The following KLF8 variants were observed in gnomAD, a reference collection of about 807,000 sequenced individuals.
KLF8 encodes the protein KLF transcription factor 8.
In KLF8, 10 loss-of-function variants were observed where a neutral mutation model predicts 18.2. The observed-to-expected ratio is 0.55, with a 90% CI of 0.34 to 0.93. The LOEUF (loss-of-function observed/expected upper bound fraction) is 0.93, where lower values mean the gene tolerates loss of function less well. Among genes scored for constraint, KLF8 ranks in the 40% least tolerant of loss-of-function variants. The pLI is 0.02. For synonymous variants in KLF8, 109 were observed against 97.3 expected (o/e 1.12, Z -0.71); for missense variants, 264 against 277.9 (o/e 0.95, Z 0.36).
intron 3 of KLF8, 78 bp downstream of exon 3, chrX:56,265,822 TCAC>T: frequency 9.0e-7 from 1 of 1,116,386 alleles, no homozygotes; most frequent in South Asian, 2.2e-5. Context: ...CTGTCTCTTT[TCAC>T]TTCCTCCAAT....
chrX:56,151,310 G>T, the KLF8 span, among the ~76,000 whole-genome samples: 1 of 111,718 alleles, frequency 9.0e-6, no homozygotes, highest in Non-Finnish European at 1.9e-5. Flanking sequence ...TGCTTATAAA[G>T]AGTACAACTA....
the KLF8 span, among the ~76,000 whole-genome samples, chrX:55,934,525 T>C: frequency 8.9e-6 from 1 of 112,295 alleles, no homozygotes; most frequent in Non-Finnish European, 1.9e-5. Flanking sequence ...GCACCAGACT[T>C]TGAATCAGTG....
At chrX:56,073,097 C>T in the KLF8 span, among the ~76,000 whole-genome samples, 1 of 109,330 alleles carries the variant, frequency 9.1e-6, no homozygotes, top group Non-Finnish European at 1.9e-5. Flanking sequence ...CGCCATTCTC[C>T]TGCCTCAGCC....
chrX:56,027,562 C>G, the KLF8 span, among the ~76,000 whole-genome samples: 2 of 112,384 alleles, frequency 1.8e-5, no homozygotes, highest in Non-Finnish European at 3.8e-5. Context: ...GTTAAAGCAA[C>G]GAGTTCTGCT....
chrX:56,076,604 T>G, the KLF8 span, among the ~76,000 whole-genome samples: 1 of 111,555 alleles, frequency 9.0e-6, no homozygotes, highest in Non-Finnish European at 1.9e-5. Context: ...TAAACATACG[T>G]GTGCATGTGT....
the KLF8 span, among the ~76,000 whole-genome samples, chrX:55,941,743 G>A: frequency 8.9e-6 from 1 of 112,215 alleles, no homozygotes; most frequent in African/African-American, 3.2e-5. Flanking sequence ...AGACATTTAT[G>A]CAGCCGAAAG....
chrX:56,058,901 G>A, the KLF8 span, among the ~76,000 whole-genome samples: 1 of 111,474 alleles, frequency 9.0e-6, no homozygotes, highest in East Asian at 2.8e-4. Context: ...GATATTTCCG[G>A]TTCTAGGTTC....
the KLF8 span, among the ~76,000 whole-genome samples, chrX:56,006,516 C>G: frequency 8.9e-6 from 1 of 112,249 alleles, no homozygotes; most frequent in Non-Finnish European, 1.9e-5. Context: ...AGATGTACTT[C>G]CTGGCTGCAT....
chrX:56,235,904 T>A (rs2066469260), intron 1 of KLF8, among the ~76,000 whole-genome samples: 2 of 112,230 alleles, frequency 1.8e-5, no homozygotes, highest in South Asian at 3.7e-4. Context: ...TTTAAAAAAA[T>A]TTGTTTTATT....
At chrX:56,023,615 T>C in the KLF8 span, among the ~76,000 whole-genome samples, 4 of 110,821 alleles carry the variant, frequency 3.6e-5, no homozygotes, top group Non-Finnish European at 5.7e-5. Flanking sequence ...AACCCCCAAA[T>C]ACAAAGCTTG....
chrX:56,190,510 A>G, the KLF8 span, among the ~76,000 whole-genome samples: 2 of 111,591 alleles, frequency 1.8e-5, no homozygotes. Flanking sequence ...CATTTCATCC[A>G]ATGTCTCTAG....
the KLF8 span, among the ~76,000 whole-genome samples, chrX:56,052,454 A>G: frequency 1.4e-4 from 16 of 111,728 alleles, no homozygotes; most frequent in Non-Finnish European, 2.4e-4. Flanking sequence ...TTTGGTGTGG[A>G]TGTCCTTTCT....
chrX:56,061,986 C>CTTTTTTTTTTTTTTTTTTT, the KLF8 span, among the ~76,000 whole-genome samples: 59 of 57,119 alleles, frequency 1.0e-3, no homozygotes, highest in Non-Finnish European at 9.6e-4. Flanking sequence ...GCAACCCCTG[C>CTTTTTTTTTTTTTTTTTTT]TTTTTTTTTT....
the KLF8 span, among the ~76,000 whole-genome samples, chrX:56,029,621 G>A: frequency 8.9e-6 from 1 of 112,169 alleles, no homozygotes; most frequent in Non-Finnish European, 1.9e-5. Context: ...CAGTCTAGAA[G>A]CCCTTCGGCC....
chrX:55,990,684 G>A, the KLF8 span, among the ~76,000 whole-genome samples: 1 of 111,954 alleles, frequency 8.9e-6, no homozygotes, highest in Non-Finnish European at 1.9e-5. Context: ...TTTTGGTGTG[G>A]ATGTCCTTTC....
At chrX:55,953,632 A>T in the KLF8 span, among the ~76,000 whole-genome samples, 1 of 111,289 alleles carries the variant, frequency 9.0e-6, no homozygotes, top group African/African-American at 3.3e-5. Context: ...AGACATATAG[A>T]TAAGTGGAAT....
the KLF8 span, among the ~76,000 whole-genome samples, chrX:56,083,772 G>A: frequency 9.0e-6 from 1 of 111,221 alleles, no homozygotes; most frequent in African/African-American, 3.3e-5. Flanking sequence ...GATTCTCATA[G>A]GAGTGTGTAC....
rs775754348 is a variant in KLF8, at chrX:56,286,341, T to G, written c.*1847T>G. The G allele has an allele frequency of 2.7e-5, 3 of 110,969 alleles. No individual in the cohort carries two copies. The highest frequency in any genetic ancestry group is 5.7e-5 in the Non-Finnish European group (3 of 53,019). The allele number at this position is 110,969 out of a possible 1,213,427, so 9.1% of individuals were successfully genotyped here. On this transcript the variant is annotated 3_prime_UTR_variant, in exon 6 of 6. Transcript: ENST00000468660. ...CTAAGTTTTGTATTATTAGTAGAGA[T>G]GGGGTTTCGCCATGTTGGCCAGGCT... is the stretch of plus-strand genomic sequence containing the variant.
the KLF8 span, among the ~76,000 whole-genome samples, chrX:55,922,692 A>T: frequency 1.8e-5 from 2 of 112,899 alleles, no homozygotes; most frequent in African/African-American, 3.2e-5. Context: ...TCAAAAGAGG[A>T]TATACATGTG....
Sources: gnomAD v4.1 joint callset for allele counts (sites outside exome capture counted in the v4.1 genomes callset) on GRCh38, gnomAD v4.1.1 for gene constraint, MANE v1.5 for transcripts, NCBI Gene and HGNC (gene_info 2026-07-23, HGNC 2026-07-21) for gene names.